The following MAPT variants were observed in gnomAD, a reference collection of about 807,000 sequenced individuals.
The protein encoded by MAPT is microtubule associated protein tau.
A neutral mutation model predicts 67.9 loss-of-function variants in MAPT; 34 were observed. The observed-to-expected ratio is 0.50, with a 90% CI of 0.38 to 0.67. The LOEUF is 0.67. Among genes scored for constraint, MAPT ranks in the 30% least tolerant of loss-of-function variants. MAPT has a pLI of 0.00. For missense variants in MAPT, 881 were observed against 1,115.2 expected (o/e 0.79, Z 2.99); for synonymous variants, 456 against 464.5 (o/e 0.98, Z 0.23).
At chr17:45,911,450 C>G (rs537998294) in intron 1 of MAPT, among the ~76,000 whole-genome samples, 1 of 150,994 alleles carries the variant, frequency 6.6e-6, no homozygotes, top group African/African-American at 2.4e-5. Flanking sequence ...GGCGATATAG[C>G]GAGAACCTGT....
At chr17:46,014,114 C>T (rs997905543) in intron 10 of MAPT, 129 bp from the exon 11 acceptor site, 4 of 704,554 alleles carry the variant, frequency 5.7e-6, no homozygotes, top group Admixed American at 2.0e-5. Flanking sequence ...CCAATAAGGG[C>T]CTGGGCTTAC....
chr17:45,921,400 A>G (rs2065699457), intron 1 of MAPT, among the ~76,000 whole-genome samples: 1 of 152,166 alleles, frequency 6.6e-6, no homozygotes, highest in South Asian at 2.1e-4. Flanking sequence ...CCCCACGCAC[A>G]TTAGCAGCTC....
intron 6 of MAPT, among the ~76,000 whole-genome samples, chr17:45,988,511 C>G (rs1290024069): frequency 2.0e-5 from 3 of 152,236 alleles, no homozygotes; most frequent in Non-Finnish European, 4.4e-5. Context: ...GGGCCCCCCC[C>G]AGCCCCGCCT....
intron 8 of MAPT, among the ~76,000 whole-genome samples, chr17:45,992,521 G>A (rs1275563977): frequency 1.3e-5 from 2 of 152,182 alleles, no homozygotes; most frequent in Non-Finnish European, 2.9e-5. Flanking sequence ...CTGGGCTCCT[G>A]TGAGTAAAAC....
chr17:45,956,735 A>C (rs2069766456), intron 1 of MAPT, among the ~76,000 whole-genome samples: 1 of 151,086 alleles, frequency 6.6e-6, no homozygotes. Flanking sequence ...TCCTAATGCT[A>C]TCCCTCCCCA....
At chr17:45,965,177 A>T (rs1427940300) in intron 2 of MAPT, among the ~76,000 whole-genome samples, 3 of 152,112 alleles carry the variant, frequency 2.0e-5, no homozygotes, top group East Asian at 2.0e-4. Context: ...CACACCTGTA[A>T]TCCCAGCACT....
chr17:45,928,739 A>G (rs1204250668), intron 1 of MAPT, among the ~76,000 whole-genome samples: 71 of 152,274 alleles, frequency 4.7e-4, no homozygotes. Flanking sequence ...TCTGTCACCC[A>G]GGCTGGAGTG....
intron 1 of MAPT, among the ~76,000 whole-genome samples, chr17:45,938,261 G>C (rs939454603): frequency 6.6e-6 from 1 of 152,214 alleles, no homozygotes. Context: ...GTCCAGGGGA[G>C]AATCCATTTT....
chr17:45,966,447 G>A (rs2071088989), intron 2 of MAPT, among the ~76,000 whole-genome samples: 1 of 152,062 alleles, frequency 6.6e-6, no homozygotes, highest in African/African-American at 2.4e-5. Context: ...AAATTAGCCA[G>A]GTGTGGTGGC....
chr17:45,899,103 G>T (rs1029014390), intron 1 of MAPT, among the ~76,000 whole-genome samples: 1 of 152,160 alleles, frequency 6.6e-6, no homozygotes, highest in Non-Finnish European at 1.5e-5. Context: ...GCTGCAGCAG[G>T]GAGAGGAGTC....
rs2063182336 is a variant in MAPT at position 45,896,009 on chromosome 17, GC to G, written c.-18+1326del. On this transcript the variant is annotated intron_variant, in intron 1 of 12. Transcript: ENST00000262410. This position sits in a 1 kb window ranked among gnomAD's most constrained non-coding sequence, Gnocchi z 5.6. The stretch of plus-strand genomic sequence containing the variant: ...AGAGGTTACGTGATCTGCGCTCCCA[GC>G]CCTGGTTTCTGGCTTTTATTCTGAG... 2 of 152,486 alleles carry G rather than the reference GC, an allele frequency of 1.3e-5. No homozygotes were observed. Among genetic ancestry groups the G allele is most frequent in the South Asian group, 2.1e-4 (1 of 4,832 alleles). The allele number at this position is 152,486 out of a possible 1,614,324, so 9.4% of individuals were successfully genotyped here.
At chr17:45,999,215 C>T in intron 9 of MAPT, 5 of 1,546,280 alleles carry the variant, frequency 3.2e-6, no homozygotes, top group Non-Finnish European at 4.4e-6. Context: ...TCCCCTCTCT[C>T]TTCTTAAAGC....
chr17:45,996,720 G>T lies in MAPT; in HGVS notation c.1998+56G>T. 1 of 1,599,594 alleles carries T rather than the reference G, an allele frequency of 6.3e-7. No homozygotes were observed. On this transcript the variant is annotated intron_variant, in intron 9 of 12. Coordinates refer to ENST00000262410, the MANE Select transcript of MAPT (RefSeq NM_001377265.1). The surrounding 1 kb of genome is among the most constrained non-coding windows in gnomAD (Gnocchi z 4.5). ...GGGGGGCTGCGCCTGGAGGGGTAGG[G>T]CTGTGCCTGGAAGGGTAGGGCTGCG...
At chr17:45,903,853 T>C (rs1342025122) in intron 1 of MAPT, among the ~76,000 whole-genome samples, 1 of 43,434 alleles carries the variant, frequency 2.3e-5, no homozygotes, top group African/African-American at 7.8e-5. Flanking sequence ...ATATATTATA[T>C]ATTATATATA....
intron 10 of MAPT, among the ~76,000 whole-genome samples, chr17:46,011,454 C>T (rs924621458): frequency 2.6e-5 from 4 of 152,142 alleles, no homozygotes; most frequent in South Asian, 2.1e-4. Context: ...TAAATGTCCC[C>T]GGGGACTCCG....
intron 1 of MAPT, among the ~76,000 whole-genome samples, chr17:45,960,842 A>G: frequency 8.1e-5 from 1 of 12,400 alleles, no homozygotes; most frequent in African/African-American, 2.2e-4. Context: ...CACAGGGGCC[A>G]AAAAAAAAAA....
chr17:45,994,296 A>G (rs1031613201), intron 8 of MAPT, among the ~76,000 whole-genome samples: 1 of 152,094 alleles, frequency 6.6e-6, no homozygotes, highest in Non-Finnish European at 1.5e-5. Flanking sequence ...CTTGCCCACG[A>G]CCACTCTGTA....
chr17:45,933,155 G>A (rs2066999482), intron 1 of MAPT, among the ~76,000 whole-genome samples: 1 of 150,870 alleles, frequency 6.6e-6, no homozygotes, highest in African/African-American at 2.5e-5. Context: ...TTTATCACTG[G>A]CATTGTTTAG....
intron 12 of MAPT, among the ~76,000 whole-genome samples, chr17:46,020,794 C>G (rs2076482682): frequency 1.3e-5 from 2 of 152,146 alleles, no homozygotes; most frequent in East Asian, 3.9e-4. Context: ...CACCAGGTCC[C>G]TCCCACAACA....
Sources: allele counts gnomAD v4.1 joint callset (sites outside exome capture counted in the v4.1 genomes callset), GRCh38; gene constraint gnomAD v4.1.1; non-coding constraint Gnocchi (gnomAD v3.1); transcripts MANE v1.5; gene names NCBI Gene and HGNC (gene_info 2026-07-23, HGNC 2026-07-21).